The following FOXP1 variants were observed in gnomAD, a reference collection of about 807,000 sequenced individuals.
FOXP1 encodes forkhead box protein P1.
In FOXP1, 15 loss-of-function variants were observed where a neutral mutation model predicts 98.2. The ratio of observed to expected loss-of-function variants is 0.15; its 90% CI spans 0.10 to 0.24. FOXP1 has a LOEUF of 0.24. Among genes scored for constraint, FOXP1 ranks in the 10% least tolerant of loss-of-function variants. The pLI is 1.00. For missense variants in FOXP1, 633 were observed against 848.5 expected (o/e 0.75, Z 3.15); for synonymous variants, 371 against 314.5 (o/e 1.18, Z -1.90).
chr3:70,988,690 T>C (rs1207370477), intron 13 of FOXP1, among the ~76,000 whole-genome samples: 1 of 152,220 alleles, frequency 6.6e-6, no homozygotes, highest in Non-Finnish European at 1.5e-5. Context: ...GTCTCCTTAT[T>C]CTATAAAAAA....
chr3:71,198,432 G>GGGGGGGGGGGGCCCCCCCGGC, intron 5 of FOXP1, 40 bp from the exon 6 acceptor site: 1 of 491,034 alleles, frequency 2.0e-6, no homozygotes, highest in African/African-American at 2.1e-5. Flanking sequence ...GGGAGGGGGG[G>GGGGGGGGGGGGCCCCCCCGGC]AGAAAAAAAA....
chr3:71,348,241 CTTTGA>C (rs1369985199), intron 4 of FOXP1, among the ~76,000 whole-genome samples: 2 of 151,808 alleles, frequency 1.3e-5, no homozygotes, highest in Admixed American at 1.3e-4. Context: ...TATTTTCTCT[CTTTGA>C]TTTATCTATT....
At chr3:71,361,448 T>A (rs1482335807) in intron 3 of FOXP1, among the ~76,000 whole-genome samples, 2 of 152,182 alleles carry the variant, frequency 1.3e-5, no homozygotes, top group African/African-American at 4.8e-5. Context: ...TTGGAAAACT[T>A]TTCTCCCCTT....
intron 3 of FOXP1, among the ~76,000 whole-genome samples, chr3:71,438,402 C>T (rs1351850039): frequency 6.6e-6 from 1 of 152,176 alleles, no homozygotes; most frequent in Non-Finnish European, 1.5e-5. Flanking sequence ...CTTTATCCAC[C>T]TTTAAGAGTA....
intron 4 of FOXP1, among the ~76,000 whole-genome samples, chr3:71,325,649 G>GTAT (rs10575337): frequency 0.02 from 2,932 of 148,070 alleles, 37 homozygotes; most frequent in African/African-American, 0.032. Context: ...TCCTACAAAT[G>GTAT]TATTATTATT....
At chr3:71,026,583 G>T (rs146719452) in intron 11 of FOXP1, among the ~76,000 whole-genome samples, 1 of 152,146 alleles carries the variant, frequency 6.6e-6, no homozygotes, top group African/African-American at 2.4e-5. Flanking sequence ...CAGATTTAAG[G>T]GCATCTCATT....
intron 3 of FOXP1, among the ~76,000 whole-genome samples, chr3:71,485,506 C>G (rs1277583981): frequency 6.6e-6 from 1 of 152,172 alleles, no homozygotes. Flanking sequence ...CGATGGCTCA[C>G]GCCTGTAATC....
At chr3:71,276,163 T>G (rs2070863459) in intron 5 of FOXP1, 1 of 152,230 alleles carries the variant, frequency 6.6e-6, no homozygotes, top group South Asian at 2.1e-4. Context: ...TATGGAGTAG[T>G]GACACTTGGC....
At chr3:71,448,117 G>A (rs769549822) in intron 3 of FOXP1, among the ~76,000 whole-genome samples, 5 of 152,052 alleles carry the variant, frequency 3.3e-5, no homozygotes, top group Non-Finnish European at 7.4e-5. Flanking sequence ...CCTTGGGGAC[G>A]GAACCCCAGC....
At chr3:71,547,261 C>A (rs2107648768) in intron 2 of FOXP1, among the ~76,000 whole-genome samples, 1 of 152,284 alleles carries the variant, frequency 6.6e-6, no homozygotes, top group South Asian at 2.1e-4. Context: ...GGTCTGCCTG[C>A]CTACCAAAAT....
chr3:71,537,475 G>A (rs770497975), intron 2 of FOXP1, among the ~76,000 whole-genome samples: 8 of 152,244 alleles, frequency 5.3e-5, no homozygotes, highest in Non-Finnish European at 1.2e-4. Context: ...AATGGCACCA[G>A]GCAGGCGCAG....
chr3:71,237,729 G>T (rs546289742), intron 5 of FOXP1, among the ~76,000 whole-genome samples: 2 of 152,332 alleles, frequency 1.3e-5, no homozygotes, highest in South Asian at 4.1e-4. Context: ...ATCCATACGT[G>T]TACATGGGGA....
chr3:71,019,245 G>A (rs2107775298), intron 11 of FOXP1, among the ~76,000 whole-genome samples: 1 of 152,324 alleles, frequency 6.6e-6, no homozygotes, highest in South Asian at 2.1e-4. Context: ...GGAAAAGGAT[G>A]ATTTGGGCAT....
At chr3:71,378,706 A>G (rs1039883620) in intron 3 of FOXP1, among the ~76,000 whole-genome samples, 36 of 151,680 alleles carry the variant, frequency 2.4e-4, no homozygotes, top group Admixed American at 1.9e-3. Context: ...TTAAATATAT[A>G]TAATTGTTTT....
At chr3:71,558,562 T>A (rs927419928) in intron 2 of FOXP1, among the ~76,000 whole-genome samples, 1 of 151,794 alleles carries the variant, frequency 6.6e-6, no homozygotes, top group African/African-American at 2.4e-5. Context: ...TAGGGTGATC[T>A]CAGCTCACTG....
chr3:71,320,745 C>T (rs1249719871), intron 4 of FOXP1, among the ~76,000 whole-genome samples: 1 of 152,278 alleles, frequency 6.6e-6, no homozygotes, highest in African/African-American at 2.4e-5. Context: ...ACGTTAACGG[C>T]AACAATTTTT....
At chr3:71,035,285 A>G (rs1054650084) in intron 11 of FOXP1, among the ~76,000 whole-genome samples, 3 of 152,240 alleles carry the variant, frequency 2.0e-5, no homozygotes, top group African/African-American at 4.8e-5. Flanking sequence ...AGGCCTAGGA[A>G]GCTGTGTGTT....
intron 5 of FOXP1, among the ~76,000 whole-genome samples, chr3:71,258,875 G>T (rs1162808126): frequency 1.3e-5 from 2 of 152,226 alleles, no homozygotes; most frequent in Non-Finnish European, 2.9e-5. Flanking sequence ...GCCGGGTACA[G>T]TGGCTCATGC....
chr3:71,159,480 T>C (rs2061023743), intron 6 of FOXP1, among the ~76,000 whole-genome samples: 1 of 152,156 alleles, frequency 6.6e-6, no homozygotes, highest in Non-Finnish European at 1.5e-5. Flanking sequence ...GAAAGAGAGC[T>C]AGCAAGTGAA....
Sources: allele counts gnomAD v4.1 joint callset (sites outside exome capture counted in the v4.1 genomes callset), GRCh38; gene constraint gnomAD v4.1.1; transcripts MANE v1.5; gene names NCBI Gene and HGNC (gene_info 2026-07-23, HGNC 2026-07-21).